The following ADAMTS7 variants were observed in gnomAD, a reference collection of about 807,000 sequenced individuals.
ADAMTS7 encodes the protein ADAM metallopeptidase with thrombospondin type 1 motif 7.
Under a neutral mutation model 172.6 loss-of-function variants are expected in ADAMTS7, and 89 were observed. That is an observed-to-expected ratio of 0.52 (90% CI 0.43 to 0.61). ADAMTS7 has a LOEUF of 0.61. ADAMTS7 is among the 20% of genes least tolerant of loss of function. ADAMTS7 has a pLI of 0.00. For synonymous variants in ADAMTS7, 885 were observed against 978.4 expected (o/e 0.90, Z 1.78); for missense variants, 1,973 against 2,355.6 (o/e 0.84, Z 3.36).
At chr15:78,778,996 G>A (rs1418192469) in intron 8 of ADAMTS7, among the ~76,000 whole-genome samples, 1 of 152,182 alleles carries the variant, frequency 6.6e-6, no homozygotes, top group East Asian at 1.9e-4. Flanking sequence ...CCTGATTTCA[G>A]AGGAGGGGGC....
chr15:78,791,467 G>A (rs1219334218), intron 4 of ADAMTS7, among the ~76,000 whole-genome samples: 1 of 152,180 alleles, frequency 6.6e-6, no homozygotes, highest in Non-Finnish European at 1.5e-5. Flanking sequence ...AGGACAAGAG[G>A]CCTCCGAGGC....
Position 78,767,036 on chromosome 15 carries a change from C to T in ADAMTS7, c.2875G>A (p.Gly959Arg). The T allele has an allele frequency of 6.4e-7, 1 of 1,558,844 alleles. No homozygotes were observed. Among genetic ancestry groups the T allele is most frequent in the Non-Finnish European group, 8.7e-7 (1 of 1,153,636 alleles). Residue 959 changes from glycine to arginine, a missense_variant, in exon 19 of 24, where the codon GGG (glycine) becomes AGG (arginine). Around this residue, in one of 8 missense-constraint regions of ADAMTS7, gnomAD observed 771 missense variants for 952.6 expected, o/e 0.81. Coordinates refer to ENST00000388820, the MANE Select transcript of ADAMTS7 (RefSeq NM_014272.5). ...GNWSQCSVTC[G>R]EGTQRRNVLC... ...ACATTTCGGCGCTGAGTGCCCTCCC[C>T]ACATGTCACTGAGCACTGCAGGGGA...
intron 9 of ADAMTS7, 192 bp from the exon 10 acceptor site, chr15:78,777,033 C>T (rs1171308179): frequency 1.3e-5 from 8 of 596,226 alleles, no homozygotes; most frequent in South Asian, 2.0e-5. Context: ...GTGGGGCGCC[C>T]GGGGCTGCGC....
intron 1 of ADAMTS7, among the ~76,000 whole-genome samples, chr15:78,804,468 G>T (rs1298405929): frequency 6.6e-6 from 1 of 152,166 alleles, no homozygotes; most frequent in Non-Finnish European, 1.5e-5. Context: ...CACGACAATA[G>T]ACTCTTCAGG....
rs1181696099 is a variant in ADAMTS7 at position 78,764,542 on chromosome 15, C to T, written c.4419+13G>A. 2.6e-6 allele frequency: 4 copies of T among 1,540,020 alleles called. No homozygotes were observed. The highest frequency in any genetic ancestry group is 2.4e-5 in the East Asian group (1 of 41,580). ...GCCCTGGGAATGCCTGTCCTGGCTC[C>T]ATCCTCACGCACCTTACTCCAGTTG... is the stretch of plus-strand genomic sequence containing the variant. On this transcript the variant is annotated intron_variant, in intron 20 of 23. Coordinates refer to ENST00000388820, the MANE Select transcript of ADAMTS7 (RefSeq NM_014272.5).
At chr15:78,773,360 G>A (rs969598868) in intron 13 of ADAMTS7, among the ~76,000 whole-genome samples, 157 bp from the exon 14 acceptor site, 1 of 149,902 alleles carries the variant, frequency 6.7e-6, no homozygotes, top group East Asian at 1.9e-4. Context: ...TCTGACCCAG[G>A]TGAACCTCTC....
rs138858192 is a variant in ADAMTS7 at position 78,807,644 on chromosome 15, G to A, written c.100+3477C>T. ...TAAAATGGGGATGATAATAATTACA[G>A]CTGCTCTCTTTGGTTGTGTAAGAAT... On this transcript the variant is annotated intron_variant, in intron 1 of 23. Coordinates refer to ENST00000388820, the MANE Select transcript of ADAMTS7 (RefSeq NM_014272.5). Among the ~76,000 whole-genome samples, 1,404 of 152,266 alleles carry A rather than the reference G, an allele frequency of 9.2e-3. 12 individuals carry two copies. Among genetic ancestry groups the A allele is most frequent in the Middle Eastern group, 0.017 (5 of 294 alleles).
intron 6 of ADAMTS7, 93 bp from the exon 7 acceptor site, chr15:78,789,931 C>A: frequency 4.1e-6 from 6 of 1,470,896 alleles, no homozygotes; most frequent in Non-Finnish European, 5.4e-6. Context: ...CGAATTGATC[C>A]CAAGCGAAAA....
intron 8 of ADAMTS7, among the ~76,000 whole-genome samples, chr15:78,787,688 A>G (rs1178836011): frequency 6.6e-6 from 1 of 152,070 alleles, no homozygotes; most frequent in South Asian, 2.1e-4. Flanking sequence ...CAACAACAAC[A>G]AAAACACCAG....
rs548345891 is a variant in ADAMTS7, at chr15:78,777,523, G to A, written c.1388C>T (p.Pro463Leu). ...GCTTACATCATAGAGGACGCCAGGT[G>A]GCACCGAGGGGAAGTCGATAATGTC... The part of the protein sequence containing the change: ...AKDIIDFPSV[P>L]PGVLYDVSHQ... Residue 463 changes from proline (P) to leucine (L), a missense_variant, in exon 9 of 24, where the codon CCA (proline) becomes CTA (leucine). Pro to Leu is a moderately conservative substitution (Grantham distance 98, BLOSUM62 -3). Transcript: ENST00000388820. 7.7e-4 allele frequency: 1,246 copies of A among 1,608,632 alleles called. 3 individuals are homozygous for A. The highest frequency in any genetic ancestry group is 1.9e-3 in the South Asian group (169 of 90,020).
chr15:78,780,390 C>T (rs2055412731), intron 8 of ADAMTS7, among the ~76,000 whole-genome samples: 1 of 152,182 alleles, frequency 6.6e-6, no homozygotes, highest in African/African-American at 2.4e-5. Flanking sequence ...CCCTGGCCAC[C>T]CCTGGCCACC....
At chr15:78,761,000 TG>T (rs1426110803) in intron 23 of ADAMTS7, among the ~76,000 whole-genome samples, 4 of 152,132 alleles carry the variant, frequency 2.6e-5, no homozygotes, top group African/African-American at 9.7e-5. Flanking sequence ...CCGCTCCCTG[TG>T]GCCAGCCCTA....
chr15:78,764,681 C>T lies in ADAMTS7; in HGVS notation c.4293G>A (p.Ala1431=), dbSNP rs377239630. The change falls in exon 20 of 24, where the codon GCG becomes GCA. Residue 1431 remains alanine (A), a synonymous_variant. Transcript: ENST00000388820. ...AGCTACAGCGCACCGGCCTCCAGAC[C>T]GCACCCAGGCCACAGGTGGTAGAGC... ...SECSTTCGLG[A]VWRPVRCSSG... 18 of 1,557,930 alleles carry T rather than the reference C, an allele frequency of 1.2e-5. No individual in the cohort carries two copies. The highest frequency in any genetic ancestry group is 5.6e-5 in the Admixed American group (3 of 53,792).
chr15:78,763,672 C>T, intron 22 of ADAMTS7, 27 bp downstream of exon 22: 1 of 1,511,812 alleles, frequency 6.6e-7, no homozygotes, highest in Non-Finnish European at 8.8e-7. Context: ...GCACTTGCTC[C>T]CTGCTCCTCC....
chr15:78,800,463 A>G lies in ADAMTS7; in HGVS notation c.185T>C (p.Leu62Pro). The G allele has an allele frequency of 4.3e-6, 7 of 1,610,884 alleles. No homozygotes were observed. Among genetic ancestry groups the G allele is most frequent in the Non-Finnish European group, 5.9e-6 (7 of 1,179,094 alleles). The change falls in exon 2 of 24, where the codon CTG (leucine) becomes CCG (proline). Residue 62 changes from leucine to proline, a missense_variant. By Grantham distance (98) the Leu-to-Pro change is moderately conservative (BLOSUM62 -3). Around this residue, in one of 8 missense-constraint regions of ADAMTS7, gnomAD observed 306 missense variants for 288.0 expected, o/e 1.06. Coordinates refer to ENST00000388820, the MANE Select transcript of ADAMTS7 (RefSeq NM_014272.5). ...DAGGSFLSYELWPRALRKRDV... is the reference protein window; with the variant it reads ...DAGGSFLSYEPWPRALRKRDV... ...CCGCTTGCGCAGTGCGCGGGGCCAC[A>G]GCTCGTAGGACAGGAAGGAGCCCCC...
chr15:78,801,912 C>A (rs2055730310), intron 1 of ADAMTS7, among the ~76,000 whole-genome samples: 1 of 151,922 alleles, frequency 6.6e-6, no homozygotes, highest in Admixed American at 6.6e-5. Flanking sequence ...TGGTCTCAAA[C>A]AAACTCCTGG....
In ADAMTS7 at chr15:78,777,557, G is replaced by A; in HGVS notation, c.1354C>T (p.Pro452Ser). The A allele has an allele frequency of 3.7e-6, 6 of 1,608,078 alleles. No individual in the cohort carries two copies. The highest frequency in any genetic ancestry group is 5.1e-6 in the Non-Finnish European group (6 of 1,177,490). The change falls in exon 9 of 24, where the codon CCT becomes TCT. Residue 452 changes from proline to serine, a missense_variant. Transcript: ENST00000388820. ...RGWGLCLDDPPAKDIIDFPSV... is the reference protein window; with the variant it reads ...RGWGLCLDDPSAKDIIDFPSV... ...GGGAAGTCGATAATGTCCTTGGCAG[G>A]AGGGTCGTCCAGGCACAGGCCCCAC...
At chr15:78,760,138 C>T (rs533797420) in intron 23 of ADAMTS7, among the ~76,000 whole-genome samples, 2 of 150,338 alleles carry the variant, frequency 1.3e-5, no homozygotes, top group East Asian at 3.9e-4. Context: ...AGGTGGGCCA[C>T]GAAGCCTAGA....
In ADAMTS7 at chr15:78,800,428, C is replaced by G. The variant is rs1417728398; in HGVS notation, c.220G>C (p.Val74Leu). The change falls in exon 2 of 24, where the codon GTG becomes CTG. Residue 74 changes from valine (V) to leucine (L), a missense_variant. Val to Leu is a conservative substitution (Grantham distance 32). Around this residue, in one of 8 missense-constraint regions of ADAMTS7, gnomAD observed 306 missense variants for 288.0 expected, o/e 1.06. Transcript: ENST00000388820. ...TAGAAGGCGGGCGCGTCTCGGCGCA[C>G]AGATACATCCCGCTTGCGCAGTGCG... ...PRALRKRDVS[V>L]RRDAPAFYEL... 5.0e-6 allele frequency: 8 copies of G among 1,610,474 alleles called. No individual in the cohort carries two copies. Among genetic ancestry groups the G allele is most frequent in the African/African-American group, 1.3e-5 (1 of 75,038 alleles).
Sources: allele counts gnomAD v4.1 joint callset (sites outside exome capture counted in the v4.1 genomes callset), GRCh38; gene constraint gnomAD v4.1.1; regional missense constraint gnomAD v4.1.1; transcripts MANE v1.5; gene names NCBI Gene and HGNC (gene_info 2026-07-23, HGNC 2026-07-21).